The following NRXN2 variants were observed in gnomAD, a reference collection of about 807,000 sequenced individuals.
The protein encoded by NRXN2 is neurexin 2, also known as neurexin-2-beta.
Under a neutral mutation model 128.8 loss-of-function variants are expected in NRXN2, and 29 were observed. The ratio of observed to expected loss-of-function variants is 0.23; its 90% CI spans 0.17 to 0.31. NRXN2 has a LOEUF of 0.31. Ranked by LOEUF, NRXN2 falls within the 10% of genes least tolerant of loss-of-function variation. The pLI, the probability that NRXN2 is intolerant of heterozygous loss-of-function variation, is 1.00. For synonymous variants in NRXN2, 1,098 were observed against 1,075.2 expected (o/e 1.02, Z -0.41); for missense variants, 1,881 against 2,452.6 (o/e 0.77, Z 4.92).
At chr11:64,610,835 T>G (rs1050783318) in intron 22 of NRXN2, among the ~76,000 whole-genome samples, 2 of 152,170 alleles carry the variant, frequency 1.3e-5, no homozygotes, top group Non-Finnish European at 2.9e-5. Flanking sequence ...ATGGCAGGGT[T>G]CCCCTCCCTG....
chr11:64,643,288 G>A (rs895526039), intron 17 of NRXN2: 2 of 978,470 alleles, frequency 2.0e-6, no homozygotes, highest in Non-Finnish European at 2.4e-6. Flanking sequence ...GACCGACGGC[G>A]ACTGGGGCCG....
intron 2 of NRXN2, 99 bp from the exon 3 acceptor site, chr11:64,697,891 G>T: frequency 1.4e-6 from 2 of 1,439,678 alleles, no homozygotes; most frequent in Admixed American, 3.6e-5. Flanking sequence ...AGGGGAGAGA[G>T]GAGTCCAAGC....
chr11:64,613,091 G>T (rs376813083), intron 22 of NRXN2, among the ~76,000 whole-genome samples: 1 of 152,222 alleles, frequency 6.6e-6, no homozygotes, highest in Non-Finnish European at 1.5e-5. Flanking sequence ...GTACTGCAAG[G>T]GCAGAGGCCA....
At chr11:64,654,017 G>A (rs1028898704) in intron 11 of NRXN2, among the ~76,000 whole-genome samples, 1 of 152,182 alleles carries the variant, frequency 6.6e-6, no homozygotes, top group Non-Finnish European at 1.5e-5. Flanking sequence ...TAGTGTCTGA[G>A]GGAGACGGGC....
rs965380196 is a variant in NRXN2, at chr11:64,635,087, CTG to C, written c.3585+182_3585+183del. On this transcript the variant is annotated intron_variant, in intron 18 of 22. Transcript: ENST00000265459. The surrounding 1 kb of genome is among the most constrained non-coding windows in gnomAD (Gnocchi z 4.8). ...TGGATCTGGGAGTCTTGGTGAATAA[CTG>C]AGAGAGGGAAGGGTCTCAGAAGCAG... Among the ~76,000 whole-genome samples the C allele has an allele frequency of 9.2e-5, 14 of 152,266 alleles. No individual in the cohort carries two copies. The highest frequency in any genetic ancestry group is 2.9e-4 in the African/African-American group (12 of 41,542).
At chr11:64,712,590 G>A (rs1486919486) in intron 2 of NRXN2, 1 of 373,862 alleles carries the variant, frequency 2.7e-6, no homozygotes, top group African/African-American at 2.2e-5. Flanking sequence ...TGCCTTTAAT[G>A]GGCCCTGTCC....
At chr11:64,678,146 G>C (rs1351944609) in intron 6 of NRXN2, among the ~76,000 whole-genome samples, 2 of 152,028 alleles carry the variant, frequency 1.3e-5, no homozygotes, top group South Asian at 4.2e-4. Context: ...GGAAGAGAGA[G>C]TGAGTCGCCA....
intron 1 of NRXN2, among the ~76,000 whole-genome samples, chr11:64,719,848 T>C (rs1290857427): frequency 6.6e-6 from 1 of 152,126 alleles, no homozygotes; most frequent in Non-Finnish European, 1.5e-5. Context: ...TAAAGGTATC[T>C]ATGACAGGTG....
chr11:64,646,947 G>A (rs1329466446), intron 17 of NRXN2, among the ~76,000 whole-genome samples: 1 of 152,158 alleles, frequency 6.6e-6, no homozygotes. Flanking sequence ...CTAAGAACAC[G>A]AGGAAAGCAC....
Position 64,660,611 on chromosome 11 carries a change from T to C in NRXN2, c.2186-76A>G. 6.3e-7 allele frequency: 1 copy of C among 1,592,904 alleles called. No individual in the cohort carries two copies. Among genetic ancestry groups the C allele is most frequent in the Non-Finnish European group, 8.6e-7 (1 of 1,166,210 alleles). On this transcript the variant is annotated intron_variant, in intron 10 of 22. Transcript: ENST00000265459. The surrounding 1 kb of genome is among the most constrained non-coding windows in gnomAD (Gnocchi z 5.2). ...GGGAGGGAGAAGACCAGAGAATCAT[T>C]ACAAGGGCGAAAAGCCTAGGGCAGG...
intron 22 of NRXN2, among the ~76,000 whole-genome samples, chr11:64,615,139 G>A (rs1215267361): frequency 6.6e-6 from 1 of 152,228 alleles, no homozygotes; most frequent in Non-Finnish European, 1.5e-5. Context: ...GTGGGCAGGA[G>A]CCTGCACGCC....
intron 2 of NRXN2, among the ~76,000 whole-genome samples, chr11:64,706,117 T>TA (rs2056254813): frequency 1.7e-5 from 1 of 57,814 alleles, no homozygotes; most frequent in Admixed American, 3.3e-4. Context: ...AGTATATATA[T>TA]ATAATATATA....
chr11:64,672,574 G>T (rs1189526392), intron 7 of NRXN2, among the ~76,000 whole-genome samples: 2 of 152,058 alleles, frequency 1.3e-5, no homozygotes, highest in Admixed American at 1.3e-4. Flanking sequence ...GCCTCCGTGG[G>T]TTTTTTTCCT....
chr11:64,641,869 G>A (rs1276106688), intron 17 of NRXN2, among the ~76,000 whole-genome samples: 1 of 151,988 alleles, frequency 6.6e-6, no homozygotes, highest in Non-Finnish European at 1.5e-5. Context: ...ATGGAAGGGA[G>A]ACACTAGAGA....
chr11:64,652,285 G>T, intron 12 of NRXN2, 131 bp from the exon 13 acceptor site: 2 of 1,227,230 alleles, frequency 1.6e-6, no homozygotes, highest in Non-Finnish European at 2.3e-6. Flanking sequence ...ATGACCAGTG[G>T]CTCATATTTG....
At chr11:64,625,201 T>C (rs1166377307) in intron 20 of NRXN2, among the ~76,000 whole-genome samples, 2 of 152,220 alleles carry the variant, frequency 1.3e-5, no homozygotes, top group Non-Finnish European at 2.9e-5. Context: ...TGTCCAGCTC[T>C]CCCTGCTCTT....
Position 64,713,325 on chromosome 11 carries a change from C to G in NRXN2, c.375G>C (p.Ala125=). The G allele has an allele frequency of 1.5e-6, 2 of 1,371,132 alleles. No homozygotes were observed. Among genetic ancestry groups the G allele is most frequent in the South Asian group, 3.4e-5 (2 of 59,302 alleles). 84.9% of individuals were successfully genotyped at this position (1,371,132 alleles called of 1,614,324 possible). Residue 125 remains alanine, a synonymous_variant, in exon 2 of 23, where the codon GCG becomes GCC. Transcript: ENST00000265459. ...VLLTRDARRT[A]LAVDGEARAA... ...CGCGGGCCTCGCCGTCCACCGCCAGCGCCGTGCGGCGCGCGTCGCGGGTCA... is the reference window on the plus strand; with the variant it reads ...CGCGGGCCTCGCCGTCCACCGCCAGGGCCGTGCGGCGCGCGTCGCGGGTCA...
At chr11:64,608,396 T>C (rs2040055428) in intron 22 of NRXN2, among the ~76,000 whole-genome samples, 1 of 151,768 alleles carries the variant, frequency 6.6e-6, no homozygotes, top group Admixed American at 6.6e-5. Context: ...AAAACTCTAC[T>C]GGTTTAAGGC....
chr11:64,612,453 C>T (rs1431430240), intron 22 of NRXN2, among the ~76,000 whole-genome samples: 1 of 152,220 alleles, frequency 6.6e-6, no homozygotes, highest in Non-Finnish European at 1.5e-5. Context: ...AGCACAGATG[C>T]CACCCGCCCA....
Sources: gnomAD v4.1 joint callset for allele counts (sites outside exome capture counted in the v4.1 genomes callset) on GRCh38, gnomAD v4.1.1 for gene constraint, Gnocchi (gnomAD v3.1) non-coding constraint, MANE v1.5 for transcripts, NCBI Gene and HGNC (gene_info 2026-07-23, HGNC 2026-07-21) for gene names.